The following EYA4 variants were observed in gnomAD, a reference collection of about 807,000 sequenced individuals.
EYA4 encodes protein phosphatase EYA4.
EYA4 carries 31 observed loss-of-function variants against 87.9 expected under a neutral mutation model. The observed-to-expected ratio is 0.35, with a 90% confidence interval of 0.27 to 0.48. The LOEUF is 0.48. EYA4 is among the 20% of genes least tolerant of loss of function. EYA4 has a pLI of 0.99. For synonymous variants in EYA4, 263 were observed against 270.6 expected, an observed-to-expected ratio of 0.97 and a Z score of 0.28; for missense variants, 678 against 761.4, an observed-to-expected ratio of 0.89 and a Z score of 1.29.
chr6:133,391,222 G>GTTTTTTTTTTT (rs531819011), intron 3 of EYA4, among the ~76,000 whole-genome samples: 4 of 89,828 alleles, frequency 4.5e-5, no homozygotes, highest in African/African-American at 1.3e-4. Context: ...TTTTGTTTTT[G>GTTTTTTTTTTT]TTTTTTTTTT....
At chr6:133,508,871 T>C (rs1237590659) in intron 14 of EYA4, among the ~76,000 whole-genome samples, 1 of 152,204 alleles carries the variant, frequency 6.6e-6, no homozygotes, top group African/African-American at 2.4e-5. Flanking sequence ...AATACTGGTA[T>C]TGACTTTCTC....
intron 3 of EYA4, among the ~76,000 whole-genome samples, chr6:133,413,622 T>C (rs927779930): frequency 4.6e-5 from 7 of 152,202 alleles, no homozygotes; most frequent in South Asian, 2.1e-4. Flanking sequence ...CCTTAAGCAA[T>C]GTTGCTTCCC....
intron 6 of EYA4, 43 bp downstream of exon 6, chr6:133,456,691 G>A: frequency 1.7e-6 from 2 of 1,155,748 alleles, no homozygotes; most frequent in African/African-American, 1.5e-5. Flanking sequence ...ACATGGGGGT[G>A]CATCCACATC....
intron 2 of EYA4, among the ~76,000 whole-genome samples, chr6:133,332,700 C>A (rs112184015): frequency 6.8e-6 from 1 of 147,388 alleles, no homozygotes; most frequent in Admixed American, 6.9e-5. Flanking sequence ...TGTGCCACCA[C>A]GCCCAGCTAA....
At chr6:133,488,758 G>A (rs981017431) in intron 13 of EYA4, among the ~76,000 whole-genome samples, 3 of 152,168 alleles carry the variant, frequency 2.0e-5, no homozygotes, top group Non-Finnish European at 4.4e-5. Context: ...CAACACCCAA[G>A]TTCCTTCAGA....
At chr6:133,474,277 C>T (rs1424606258) in intron 11 of EYA4, among the ~76,000 whole-genome samples, 1 of 151,922 alleles carries the variant, frequency 6.6e-6, no homozygotes, top group African/African-American at 2.4e-5. Flanking sequence ...TGCTTTTGCT[C>T]CAATTTCCAT....
intron 16 of EYA4, among the ~76,000 whole-genome samples, chr6:133,514,809 A>T (rs1419102454): frequency 6.6e-6 from 1 of 152,242 alleles, no homozygotes; most frequent in Non-Finnish European, 1.5e-5. Context: ...TAGTAGCATT[A>T]GCAGTAGTAT....
At chr6:133,338,948 C>T (rs1268187661) in intron 2 of EYA4, among the ~76,000 whole-genome samples, 1 of 151,826 alleles carries the variant, frequency 6.6e-6, no homozygotes, top group Non-Finnish European at 1.5e-5. Flanking sequence ...GGTGGTGTCT[C>T]TGGGCATCAC....
At chr6:133,464,977 T>C in intron 10 of EYA4, 119 bp downstream of exon 10, 2 of 683,056 alleles carry the variant, frequency 2.9e-6, no homozygotes, top group East Asian at 2.7e-5. Flanking sequence ...TTAAAAATTA[T>C]GATAGCATTT....
At chr6:133,462,156 G>A (rs557144089) in intron 7 of EYA4, 179 bp from the exon 8 acceptor site, 111 of 710,742 alleles carry the variant, frequency 1.6e-4, no homozygotes, top group Non-Finnish European at 2.5e-4. Flanking sequence ...CACTAGATTG[G>A]CTTGTAGCAG....
At chr6:133,476,264 C>T (rs997057535) in intron 11 of EYA4, among the ~76,000 whole-genome samples, 19 of 151,908 alleles carry the variant, frequency 1.3e-4, no homozygotes, top group African/African-American at 4.6e-4. Context: ...GTGAGAACCC[C>T]GAAAATCTAT....
At chr6:133,412,144 A>G (rs1476226670) in intron 3 of EYA4, among the ~76,000 whole-genome samples, 2 of 152,222 alleles carry the variant, frequency 1.3e-5, no homozygotes, top group Non-Finnish European at 2.9e-5. Flanking sequence ...TAATGCAGCA[A>G]ATTTACTAAT....
intron 1 of EYA4, among the ~76,000 whole-genome samples, chr6:133,257,502 A>G (rs570403971): frequency 1.8e-4 from 28 of 152,364 alleles, no homozygotes; most frequent in Admixed American, 7.9e-4. Context: ...ATTATTTTAC[A>G]TCAGATTCGA....
At chr6:133,397,966 A>G (rs1166466296) in intron 3 of EYA4, among the ~76,000 whole-genome samples, 1 of 152,218 alleles carries the variant, frequency 6.6e-6, no homozygotes, top group Non-Finnish European at 1.5e-5. Context: ...GGATGGGGAC[A>G]CAGACAAACC....
chr6:133,421,793 C>G (rs142196473), intron 3 of EYA4, among the ~76,000 whole-genome samples: 1 of 152,240 alleles, frequency 6.6e-6, no homozygotes, highest in Admixed American at 6.5e-5. Flanking sequence ...TTAATCAGGA[C>G]AGAGTTATGG....
chr6:133,287,971 A>G (rs1308025507), intron 2 of EYA4, among the ~76,000 whole-genome samples: 2 of 152,072 alleles, frequency 1.3e-5, no homozygotes, highest in African/African-American at 4.8e-5. Context: ...TCTACTAAAA[A>G]TACGAAAATT....
intron 1 of EYA4, among the ~76,000 whole-genome samples, chr6:133,269,385 C>G (rs1202770006): frequency 1.3e-5 from 2 of 152,018 alleles, no homozygotes; most frequent in Non-Finnish European, 2.9e-5. Context: ...TGCTTTTCTT[C>G]GAAATGATGC....
At chr6:133,380,787 A>G (rs930021031) in intron 2 of EYA4, among the ~76,000 whole-genome samples, 3 of 151,588 alleles carry the variant, frequency 2.0e-5, no homozygotes, top group South Asian at 4.2e-4. Context: ...TTAAAAAAGT[A>G]TTTCTCCCTC....
At chr6:133,517,782 C>T (rs145070167) in intron 17 of EYA4, among the ~76,000 whole-genome samples, 1,623 of 152,198 alleles carry the variant, frequency 0.011, 54 homozygotes, top group Admixed American at 0.063. Flanking sequence ...GTGGCAGTCA[C>T]GGGTTTGGAC....
Sources: allele counts gnomAD v4.1 joint callset (sites outside exome capture counted in the v4.1 genomes callset), GRCh38; gene constraint gnomAD v4.1.1; transcripts MANE v1.5; gene names NCBI Gene and HGNC (gene_info 2026-07-23, HGNC 2026-07-21).